Variants in MTAP observed in about 807,000 individuals in gnomAD.
The protein encoded by MTAP is methylthioadenosine phosphorylase.
In MTAP, 33 loss-of-function variants were observed where a neutral mutation model predicts 33.6. That is an observed-to-expected ratio of 0.98 (90% CI 0.74 to 1.31). MTAP has a LOEUF of 1.31. Ranked by LOEUF, MTAP falls within the 40% of genes most tolerant of loss-of-function variation. The pLI is 0.00. For synonymous variants in MTAP, 148 were observed against 125.7 expected (o/e 1.18, Z -1.19); for missense variants, 367 against 360.0 (o/e 1.02, Z -0.16).
intron 1 of MTAP, among the ~76,000 whole-genome samples, chr9:21,810,221 T>A (rs1371109166): frequency 1.3e-5 from 2 of 152,208 alleles, no homozygotes; most frequent in Non-Finnish European, 1.5e-5. Flanking sequence ...TCAGTCTGCT[T>A]GGCTTGTACA....
intron 1 of MTAP, among the ~76,000 whole-genome samples, chr9:21,804,607 C>G (rs1276978047): frequency 1.3e-5 from 2 of 152,172 alleles, no homozygotes; most frequent in Non-Finnish European, 2.9e-5. Context: ...GATGCCAGCA[C>G]CGTATTCCCC....
intron 4 of MTAP, among the ~76,000 whole-genome samples, chr9:21,835,190 C>T (rs895226601): frequency 2.0e-5 from 3 of 152,180 alleles, no homozygotes; most frequent in African/African-American, 7.2e-5. Flanking sequence ...TGATCCCAAT[C>T]ATGAGAGATC....
chr9:21,940,759 C>T (rs1343855961), downstream of MTAP, among the ~76,000 whole-genome samples: 1 of 152,166 alleles, frequency 6.6e-6, no homozygotes, highest in Non-Finnish European at 1.5e-5. Context: ...TCCAGGTGCA[C>T]CATCATCCTA....
At chr9:21,834,423 C>CAAGAGG (rs1825051403) in intron 4 of MTAP, among the ~76,000 whole-genome samples, 1 of 152,188 alleles carries the variant, frequency 6.6e-6, no homozygotes. Flanking sequence ...AAGGTTAAAG[C>CAAGAGG]AAGAGGAAGA....
intron 1 of MTAP, among the ~76,000 whole-genome samples, chr9:21,924,121 C>A (rs758718883): frequency 4.6e-5 from 7 of 152,152 alleles, no homozygotes; most frequent in Non-Finnish European, 1.0e-4. Flanking sequence ...TGAGATGGGA[C>A]ACAGGTTTGG....
chr9:21,896,490 C>A lies in MTAP; in HGVS notation c.148-34518C>A, dbSNP rs532995631. Among the ~76,000 whole-genome samples, 8 of 151,908 alleles carry A rather than the reference C, an allele frequency of 5.3e-5. 1 individual carries two copies. The highest frequency in any genetic ancestry group is 1.7e-4 in the African/African-American group (7 of 41,408). ...ATCAAAAAAATTGATAGACCACTAG[C>A]AAGACTAATAAAGAAGAAAAGAGAG... On this transcript the variant is annotated intron_variant, in intron 1 of 1. Coordinates refer to the MTAP transcript ENST00000577563.
chr9:21,865,744 C>T lies in MTAP; in HGVS notation c.*3730C>T, dbSNP rs1392734955. ...TATGCCTTTGAGAACCTCGGGATCCCAAAGAATGAGGGGAATTTCTTCAGA... is the reference window on the plus strand; with the variant it reads ...TATGCCTTTGAGAACCTCGGGATCCTAAAGAATGAGGGGAATTTCTTCAGA... On this transcript the variant is annotated 3_prime_UTR_variant, in exon 8 of 8. Transcript: ENST00000644715. 2.9e-6 allele frequency: 3 copies of T among 1,039,908 alleles called. No homozygotes were observed. Among genetic ancestry groups the T allele is most frequent in the East Asian group, 8.1e-5 (1 of 12,388 alleles). The allele number at this position is 1,039,908 out of a possible 1,614,324, so 64.4% of individuals were successfully genotyped here. A position where few individuals can be genotyped will look rare whatever the true frequency, so the allele number is the denominator to read the frequency against.
intron 1 of MTAP, among the ~76,000 whole-genome samples, chr9:21,807,538 A>T (rs186709000): frequency 3.3e-5 from 5 of 151,942 alleles, no homozygotes; most frequent in Admixed American, 2.6e-4. Flanking sequence ...ATGGAGTACA[A>T]CCCTTAACCT....
intron 1 of MTAP, among the ~76,000 whole-genome samples, chr9:21,908,613 A>C (rs1413657010): frequency 1.3e-5 from 2 of 152,042 alleles, no homozygotes; most frequent in African/African-American, 4.8e-5. Context: ...CTGTCTTTTA[A>C]TTTGTGTAGT....
intron 1 of MTAP, among the ~76,000 whole-genome samples, chr9:21,914,947 A>G (rs548478708): frequency 6.6e-6 from 1 of 151,534 alleles, no homozygotes; most frequent in Non-Finnish European, 1.5e-5. Context: ...TCCATCTGAC[A>G]TAACGTTCTC....
At chr9:21,909,301 A>C (rs1818526326) in intron 1 of MTAP, among the ~76,000 whole-genome samples, 1 of 152,120 alleles carries the variant, frequency 6.6e-6, no homozygotes, top group African/African-American at 2.4e-5. Flanking sequence ...ATATTGTGCC[A>C]CTTCCTTCCT....
In MTAP at chr9:21,808,495, A is replaced by G. The variant is rs536897743; in HGVS notation, c.33+5714A>G. Among the ~76,000 whole-genome samples, 49 of 150,964 alleles carry G rather than the reference A, an allele frequency of 3.2e-4. No individual in the cohort carries two copies. The South Asian group carries it at 9.8e-3, about 30-fold the overall frequency. On this transcript the variant is annotated intron_variant, in intron 1 of 7. Coordinates refer to ENST00000644715, the MANE Select transcript of MTAP (RefSeq NM_002451.4). ...AGTTCAGCTCCTTGGGGGCTGAGGT[A>G]GGAGGGTCACTTGAACCCAGGAGGT...
intron 5 of MTAP, among the ~76,000 whole-genome samples, chr9:21,840,150 T>C (rs796352431): frequency 6.6e-6 from 1 of 151,166 alleles, no homozygotes; most frequent in East Asian, 1.9e-4. Context: ...CGCTTGAACC[T>C]GGGAGGCAGA....
chr9:21,874,885 C>G (rs571112764), intron 1 of MTAP, among the ~76,000 whole-genome samples: 7 of 152,020 alleles, frequency 4.6e-5, no homozygotes, highest in Admixed American at 6.6e-5. Flanking sequence ...TGATGTTCCC[C>G]TCCCTGTGTC....
chr9:21,828,203 C>T (rs1824871823), intron 4 of MTAP, among the ~76,000 whole-genome samples: 1 of 152,174 alleles, frequency 6.6e-6, no homozygotes, highest in South Asian at 2.1e-4. Context: ...TATGGATAAC[C>T]TGCCCTCTTA....
At chr9:21,880,699 A>G (rs1817993534) in intron 1 of MTAP, among the ~76,000 whole-genome samples, 1 of 152,096 alleles carries the variant, frequency 6.6e-6, no homozygotes. Context: ...TTAACAAAAT[A>G]ACTGCAAAAC....
In MTAP at chr9:21,865,811, C is replaced by G. The variant is rs923778025; in HGVS notation, c.*3797C>G. The G allele has an allele frequency of 9.9e-7, 1 of 1,008,908 alleles. No homozygotes were observed. Among genetic ancestry groups the G allele is most frequent in the Non-Finnish European group, 1.2e-6 (1 of 841,772 alleles). 62.5% of individuals were successfully genotyped at this position (1,008,908 alleles called of 1,614,324 possible). ...GCATTATTTCTTTGTTTTGAAGATT[C>G]ACTCATGTTGCATGCATCTGTAGCT... On this transcript the variant is annotated 3_prime_UTR_variant, in exon 8 of 8. Transcript: ENST00000644715.
chr9:21,891,478 C>T (rs557391960), intron 1 of MTAP, among the ~76,000 whole-genome samples: 1 of 152,230 alleles, frequency 6.6e-6, no homozygotes, highest in South Asian at 2.1e-4. Context: ...GAAAAACTCA[C>T]TACAAAAATT....
chr9:21,916,036 CAGAG>C (rs1393151062), intron 1 of MTAP, among the ~76,000 whole-genome samples: 4 of 110,588 alleles, frequency 3.6e-5, no homozygotes, highest in Admixed American at 2.7e-4. Flanking sequence ...TTTCGAAAGA[CAGAG>C]AGAAGGAGAG....
Sources: gnomAD v4.1 joint callset for allele counts (sites outside exome capture counted in the v4.1 genomes callset) on GRCh38, gnomAD v4.1.1 for gene constraint, MANE v1.5 for transcripts, NCBI Gene and HGNC (gene_info 2026-07-23, HGNC 2026-07-21) for gene names.